The following F2 variants were observed in gnomAD, a reference collection of about 807,000 sequenced individuals.
F2 encodes the protein coagulation factor II, thrombin.
A neutral mutation model predicts 81.9 loss-of-function variants in F2; 34 were observed. The observed-to-expected ratio is 0.42, with a 90% CI of 0.32 to 0.55. The LOEUF (loss-of-function observed/expected upper bound fraction) is 0.55. Ranked by LOEUF, F2 falls within the 20% of genes least tolerant of loss-of-function variation. The pLI is 0.18. For synonymous variants in F2, 296 were observed against 326.4 expected (o/e 0.91, Z 1.01); for missense variants, 630 against 833.4 (o/e 0.76, Z 3.00).
At chr11:46,724,487 C>T (rs973816542) in intron 6 of F2, among the ~76,000 whole-genome samples, 1 of 152,172 alleles carries the variant, frequency 6.6e-6, no homozygotes, top group Non-Finnish European at 1.5e-5. Flanking sequence ...ATGCTGATGA[C>T]AGACACAGAA....
chr11:46,720,414 C>G (rs1395338782), intron 2 of F2, 109 bp from the exon 3 acceptor site: 2 of 1,255,378 alleles, frequency 1.6e-6, no homozygotes, highest in Non-Finnish European at 2.3e-6. Flanking sequence ...CCAGAGCCTG[C>G]CCCCTGCGTG....
intron 4 of F2, among the ~76,000 whole-genome samples, chr11:46,722,942 G>T (rs2064846482): frequency 6.6e-6 from 1 of 152,248 alleles, no homozygotes; most frequent in Non-Finnish European, 1.5e-5. Context: ...CTGTCCTATT[G>T]GTTGATGTGT....
At position 46,723,667 on chromosome 11, in the gene F2, G is replaced by T; in HGVS notation, c.559+149G>T. 4 of 1,026,132 alleles carry T rather than the reference G, an allele frequency of 3.9e-6. No individual in the cohort carries two copies. Among genetic ancestry groups the T allele is most frequent in the Non-Finnish European group, 5.7e-6 (4 of 705,510 alleles). The allele number at this position is 1,026,132 out of a possible 1,614,324, so 63.6% of individuals were successfully genotyped here. A position where few individuals can be genotyped will look rare whatever the true frequency, so the allele number is the denominator to read the frequency against. On this transcript the variant is annotated intron_variant, in intron 6 of 13. Coordinates refer to ENST00000311907, the MANE Select transcript of F2 (RefSeq NM_000506.5). The surrounding 1 kb of genome is among the most constrained non-coding windows in gnomAD (Gnocchi z 5.6). ...GCACTTTGGGAGGCTGAGGCAGGCA[G>T]ATCACCTGAGGTCAGGGGTTTGAGA...
intron 12 of F2, among the ~76,000 whole-genome samples, chr11:46,731,647 C>A (rs146524177): frequency 1.4e-3 from 207 of 151,114 alleles, no homozygotes; most frequent in African/African-American, 4.4e-3. Flanking sequence ...ATGACCTTGA[C>A]ATGTCTGATG....
chr11:46,724,817 T>G (rs914822856), intron 6 of F2, among the ~76,000 whole-genome samples: 1 of 151,838 alleles, frequency 6.6e-6, no homozygotes, highest in African/African-American at 2.4e-5. Context: ...GCCCAGGCTG[T>G]TGGAGTGCAG....
chr11:46,738,082 C>T (rs1032009356), intron 12 of F2, among the ~76,000 whole-genome samples: 4 of 152,050 alleles, frequency 2.6e-5, no homozygotes, highest in Admixed American at 6.6e-5. Context: ...ACTGCAACCT[C>T]CACCTCCACC....
chr11:46,728,059 C>G lies in F2; in HGVS notation c.1194C>G (p.Asp398Glu), dbSNP rs1255378194. The G allele has an allele frequency of 3.7e-6, 6 of 1,610,772 alleles. No individual in the cohort carries two copies. In the East Asian group the frequency reaches 1.3e-4, roughly 36 times the overall value. The change falls in exon 10 of 14, where the codon GAC becomes GAG. Residue 398 changes from aspartate to glutamate, a missense_variant. Transcript: ENST00000311907. This position sits in a 1 kb window ranked among gnomAD's most constrained non-coding sequence, Gnocchi z 5.1. ...ELLCGASLIS[D>E]RWVLTAAHCL... The stretch of plus-strand genomic sequence containing the variant: ...TGTGTGGGGCCAGCCTCATCAGTGA[C>G]CGCTGGGTCCTCACCGCCGCCCACT...
At position 46,726,269 on chromosome 11, in the gene F2, T is replaced by C. The variant is rs1459128758; in HGVS notation, c.874+96T>C. ...CTTATCGAACGCTTACCTCATTGAGTGCGCTCATTACAGCCTTACAGTAAC... is the reference window on the plus strand; with the variant it reads ...CTTATCGAACGCTTACCTCATTGAGCGCGCTCATTACAGCCTTACAGTAAC... On this transcript the variant is annotated intron_variant, in intron 7 of 13. Transcript: ENST00000311907. This position sits in a 1 kb window ranked among gnomAD's most constrained non-coding sequence, Gnocchi z 5.9. The C allele has an allele frequency of 6.6e-7, 1 of 1,525,536 alleles. No homozygotes were observed. The highest frequency in any genetic ancestry group is 8.9e-7 in the Non-Finnish European group (1 of 1,122,536). The allele number at this position is 1,525,536 out of a possible 1,614,324, so 94.5% of individuals were successfully genotyped here.
At chr11:46,727,224 G>C (rs1383437763) in intron 9 of F2, among the ~76,000 whole-genome samples, 3 of 152,064 alleles carry the variant, frequency 2.0e-5, no homozygotes, top group African/African-American at 7.2e-5. Flanking sequence ...GTTTCACCAT[G>C]TTGGCCAGGC....
chr11:46,736,969 T>A (rs983842454), intron 12 of F2, among the ~76,000 whole-genome samples: 1 of 152,222 alleles, frequency 6.6e-6, no homozygotes, highest in African/African-American at 2.4e-5. Flanking sequence ...TTTGCTCAAG[T>A]CTATTATTGT....
intron 9 of F2, among the ~76,000 whole-genome samples, chr11:46,727,606 C>T (rs1351708551): frequency 2.0e-5 from 3 of 151,832 alleles, no homozygotes; most frequent in South Asian, 4.2e-4. Context: ...GGTAAAACCC[C>T]GTCTCTACTA....
intron 4 of F2, among the ~76,000 whole-genome samples, chr11:46,721,051 G>GT (rs879346392): frequency 1.2e-3 from 171 of 147,216 alleles, no homozygotes; most frequent in South Asian, 4.5e-3. Flanking sequence ...ATGAATTAAT[G>GT]TTTTTTTTTT....
rs1592422740 is a variant in F2, at chr11:46,739,365, T to C, written c.1826T>C (p.Leu609Pro). The change falls in exon 14 of 14, where the codon CTG becomes CCG. Residue 609 changes from leucine (L) to proline (P), a missense_variant. Transcript: ENST00000311907. ...GGCTTCTACACACATGTGTTCCGCC[T>C]GAAGAAGTGGATACAGAAGGTCATT... ...KYGFYTHVFRLKKWIQKVIDQ... is the reference protein window; with the variant it reads ...KYGFYTHVFRPKKWIQKVIDQ... 3 of 1,614,164 alleles carry C rather than the reference T, an allele frequency of 1.9e-6. No individual in the cohort carries two copies. Among genetic ancestry groups the C allele is most frequent in the Non-Finnish European group, 2.5e-6 (3 of 1,180,024 alleles).
At position 46,728,826 on chromosome 11, in the gene F2, G is replaced by A. The variant is rs1178326401; in HGVS notation, c.1461G>A (p.Glu487=). ...ACCCTGTGTGTCTGCCCGACAGGGA[G>A]ACGGCAGCCAGGTGGGCCACCAGAT... ...YIHPVCLPDR[E]TAASLLQAGY... is the part of the protein sequence containing the mutation. Residue 487 remains glutamate (E), a synonymous_variant, in exon 11 of 14, where the codon GAG becomes GAA. Coordinates refer to ENST00000311907, the MANE Select transcript of F2 (RefSeq NM_000506.5). The surrounding 1 kb of genome is among the most constrained non-coding windows in gnomAD (Gnocchi z 5.1). The A allele has an allele frequency of 1.9e-6, 3 of 1,613,934 alleles. No individual in the cohort carries two copies. The highest frequency in any genetic ancestry group is 2.5e-6 in the Non-Finnish European group (3 of 1,180,032).
intron 12 of F2, among the ~76,000 whole-genome samples, chr11:46,735,165 G>C (rs2064936449): frequency 6.6e-6 from 1 of 152,194 alleles, no homozygotes; most frequent in Non-Finnish European, 1.5e-5. Flanking sequence ...ATATTGGTCA[G>C]GTGTGGTGGC....
At chr11:46,727,943 T>C (rs1313369178) in intron 9 of F2, 53 bp from the exon 10 acceptor site, 2 of 1,551,534 alleles carry the variant, frequency 1.3e-6, no homozygotes, top group Non-Finnish European at 1.7e-6. Flanking sequence ...AGGGCTGGTG[T>C]AGAGGCAGCC....
Position 46,719,696 on chromosome 11 carries a change from T to A in F2, c.80-6T>A. On this transcript the variant is annotated splice_region_variant and splice_polypyrimidine_tract_variant and intron_variant, in intron 1 of 13. Transcript: ENST00000311907. This position sits in a 1 kb window ranked among gnomAD's most constrained non-coding sequence, Gnocchi z 4.7. Reference sequence around the variant, plus strand: ...GCTGTCCCATGACCCCCCCACCGCCTTACAGTGTTCCTGGCTCCTCAGCAA... The same window carrying A: ...GCTGTCCCATGACCCCCCCACCGCCATACAGTGTTCCTGGCTCCTCAGCAA... 1 of 1,585,706 alleles carries A rather than the reference T, an allele frequency of 6.3e-7. No homozygotes were observed. Among genetic ancestry groups the A allele is most frequent in the Non-Finnish European group, 8.6e-7 (1 of 1,166,978 alleles).
chr11:46,738,033 T>A (rs546520477), intron 12 of F2, among the ~76,000 whole-genome samples: 6 of 152,198 alleles, frequency 3.9e-5, no homozygotes, highest in African/African-American at 1.4e-4. Context: ...AGTCTTGTTC[T>A]GTCGCTCAGG....
At position 46,728,533 on chromosome 11, in the gene F2, A is replaced by G; in HGVS notation, c.1299-131A>G. 3 of 1,044,260 alleles carry G rather than the reference A, an allele frequency of 2.9e-6. No individual in the cohort carries two copies. Among genetic ancestry groups the G allele is most frequent in the Admixed American group, 2.0e-5 (1 of 49,024 alleles). 64.7% of individuals were successfully genotyped at this position (1,044,260 alleles called of 1,614,324 possible). ...GAAACACCCAGGGGGCTGCCATGGC[A>G]GGAACCAGCCCTATCCCCTCCCTGG... On this transcript the variant is annotated intron_variant, in intron 10 of 13. Coordinates refer to ENST00000311907, the MANE Select transcript of F2 (RefSeq NM_000506.5). The surrounding 1 kb of genome is among the most constrained non-coding windows in gnomAD (Gnocchi z 5.1).
Sources: gnomAD v4.1 joint callset for allele counts (sites outside exome capture counted in the v4.1 genomes callset) on GRCh38, gnomAD v4.1.1 for gene constraint, Gnocchi (gnomAD v3.1) non-coding constraint, MANE v1.5 for transcripts, NCBI Gene and HGNC (gene_info 2026-07-23, HGNC 2026-07-21) for gene names.